The following ACBD6 variants were observed in gnomAD, a reference collection of about 807,000 sequenced individuals.
The protein encoded by ACBD6 is acyl-CoA binding domain containing 6.
A neutral mutation model predicts 37.2 loss-of-function variants in ACBD6; 28 were observed. That is an observed-to-expected ratio of 0.75 (90% CI 0.56 to 1.03). The LOEUF is 1.03. Ranked by LOEUF, ACBD6 falls within the 50% of genes least tolerant of loss-of-function variation. The pLI is 0.00. For synonymous variants in ACBD6, 113 were observed against 126.8 expected, an observed-to-expected ratio of 0.89 and a Z score of 0.73; for missense variants, 340 against 337.4, an observed-to-expected ratio of 1.01 and a Z score of -0.06.
chr1:180,328,906 G>C (rs1205470372), intron 6 of ACBD6, among the ~76,000 whole-genome samples: 1 of 151,976 alleles, frequency 6.6e-6, no homozygotes, highest in African/African-American at 2.4e-5. Context: ...TTCTTTCTAG[G>C]AAACAATGTA....
At chr1:180,451,683 A>G (rs4562579) in intron 3 of ACBD6, among the ~76,000 whole-genome samples, 125,045 of 152,162 alleles carry the variant, frequency 0.82, 51,771 homozygotes, top group Non-Finnish European at 0.88. Flanking sequence ...TATAGAAACA[A>G]AAACTAGATT....
At chr1:180,430,837 C>T (rs144199799) in intron 3 of ACBD6, among the ~76,000 whole-genome samples, 33 of 152,148 alleles carry the variant, frequency 2.2e-4, no homozygotes, top group Admixed American at 6.5e-4. Flanking sequence ...CGTCTTGCCC[C>T]TCTATGTTCT....
At chr1:180,317,223 G>C (rs946808227) in intron 6 of ACBD6, among the ~76,000 whole-genome samples, 7 of 152,216 alleles carry the variant, frequency 4.6e-5, no homozygotes, top group Non-Finnish European at 8.8e-5. Flanking sequence ...TTAAAAAAGA[G>C]AGTGTGGTCA....
At chr1:180,360,523 T>C (rs1652804995) in intron 6 of ACBD6, among the ~76,000 whole-genome samples, 1 of 152,118 alleles carries the variant, frequency 6.6e-6, no homozygotes, top group Non-Finnish European at 1.5e-5. Flanking sequence ...AGAGACCTAA[T>C]GAATCACAAA....
At chr1:180,348,862 A>T (rs1045923180) in intron 6 of ACBD6, among the ~76,000 whole-genome samples, 1 of 152,198 alleles carries the variant, frequency 6.6e-6, no homozygotes, top group Non-Finnish European at 1.5e-5. Flanking sequence ...CTTATGACAA[A>T]CTTATTAGGC....
intron 7 of ACBD6, among the ~76,000 whole-genome samples, chr1:180,311,178 G>C (rs1226094236): frequency 6.6e-6 from 1 of 152,202 alleles, no homozygotes; most frequent in African/African-American, 2.4e-5. Context: ...CCTAAGATTA[G>C]GATTCCTAAG....
chr1:180,285,722 T>C (rs934871783), downstream of ACBD6, among the ~76,000 whole-genome samples: 6 of 152,160 alleles, frequency 3.9e-5, no homozygotes, highest in Non-Finnish European at 8.8e-5. Context: ...CATAGCCAAG[T>C]AGTTAAATCT....
intron 3 of ACBD6, among the ~76,000 whole-genome samples, chr1:180,461,671 A>G (rs771073856): frequency 6.6e-6 from 1 of 152,216 alleles, no homozygotes; most frequent in African/African-American, 2.4e-5. Flanking sequence ...ACTAAGCTTC[A>G]TAAGCAAAGG....
At chr1:180,291,766 C>A (rs891294565) in intron 7 of ACBD6, among the ~76,000 whole-genome samples, 7 of 152,012 alleles carry the variant, frequency 4.6e-5, no homozygotes, top group Admixed American at 1.3e-4. Context: ...ACTTTGCCTA[C>A]ACCAAGATCA....
intron 6 of ACBD6, among the ~76,000 whole-genome samples, chr1:180,382,371 C>T (rs1305015615): frequency 6.6e-6 from 1 of 151,820 alleles, no homozygotes; most frequent in South Asian, 2.1e-4. Context: ...GAAAAGGAGA[C>T]ATTGAAACTG....
Position 180,502,376 on chromosome 1 carries a change from G to T in ACBD6, c.-110C>A. 8.1e-7 allele frequency: 1 copy of T among 1,235,782 alleles called. No homozygotes were observed. Among genetic ancestry groups the T allele is most frequent in the Non-Finnish European group, 1.2e-6 (1 of 860,564 alleles). The allele number at this position is 1,235,782 out of a possible 1,614,324, so 76.6% of individuals were successfully genotyped here. On this transcript the variant is annotated 5_prime_UTR_variant, in exon 1 of 8. In the 5' UTR this introduces an upstream ATG that the reference lacks. Transcript: ENST00000367595. ...GTCTGGGTCGCGAGCCTGAGCTCCA[G>T]TCGGACCCAAGCTCAGTCGCGGCGC...
intron 5 of ACBD6, among the ~76,000 whole-genome samples, chr1:180,403,337 A>AT (rs1441301121): frequency 6.6e-6 from 1 of 152,224 alleles, no homozygotes; most frequent in East Asian, 1.9e-4. Context: ...TTCATTGTAT[A>AT]TAAATATTAT....
intron 6 of ACBD6, among the ~76,000 whole-genome samples, chr1:180,323,735 C>T (rs1409440666): frequency 1.3e-5 from 2 of 151,594 alleles, no homozygotes; most frequent in African/African-American, 4.8e-5. Context: ...TTTTTTGTTT[C>T]CACTGGGATG....
chr1:180,303,453 T>C lies in ACBD6; in HGVS notation c.694+11239A>G, dbSNP rs111278548. Among the ~76,000 whole-genome samples, 2 of 150,866 alleles carry C rather than the reference T, an allele frequency of 1.3e-5. 1 individual carries two copies. Among genetic ancestry groups the C allele is most frequent in the Non-Finnish European group, 3.0e-5 (2 of 67,534 alleles). On this transcript the variant is annotated intron_variant, in intron 7 of 7. Transcript: ENST00000367595. ...CCACCAATCCCGCAGAAATACAAACTACCATCAGAGAATATTATAAACACC... is the reference window on the plus strand; with the variant it reads ...CCACCAATCCCGCAGAAATACAAACCACCATCAGAGAATATTATAAACACC...
At chr1:180,487,193 C>T (rs1197594741) in intron 3 of ACBD6, among the ~76,000 whole-genome samples, 1 of 152,106 alleles carries the variant, frequency 6.6e-6, no homozygotes, top group African/African-American at 2.4e-5. Flanking sequence ...GGACTACAGA[C>T]TTGAAAATAC....
At chr1:180,497,731 C>T (rs982657931) in intron 1 of ACBD6, among the ~76,000 whole-genome samples, 2 of 151,976 alleles carry the variant, frequency 1.3e-5, no homozygotes, top group African/African-American at 4.8e-5. Context: ...TTTAATGTCT[C>T]GCTTAGTAGA....
chr1:180,354,518 A>G (rs1223891658), intron 6 of ACBD6, among the ~76,000 whole-genome samples: 1 of 152,146 alleles, frequency 6.6e-6, no homozygotes, highest in Non-Finnish European at 1.5e-5. Flanking sequence ...TACTGTACAC[A>G]TTAGTCTTGC....
intron 12 of ACBD6, chr1:180,273,024 C>T (rs1455874176): frequency 6.7e-6 from 1 of 150,212 alleles, no homozygotes; most frequent in Non-Finnish European, 1.5e-5. Context: ...CCTTCATCTT[C>T]CTGCTCCCTT....
intron 3 of ACBD6, among the ~76,000 whole-genome samples, 199 bp from the exon 4 acceptor site, chr1:180,430,461 A>C (rs1330024155): frequency 6.6e-6 from 1 of 152,176 alleles, no homozygotes; most frequent in Non-Finnish European, 1.5e-5. Context: ...TGGAATGGGT[A>C]CCTGGCTGGC....
Sources: allele counts gnomAD v4.1 joint callset (sites outside exome capture counted in the v4.1 genomes callset), GRCh38; gene constraint gnomAD v4.1.1; transcripts MANE v1.5; gene names NCBI Gene and HGNC (gene_info 2026-07-23, HGNC 2026-07-21).